ZC3H4: variants seen among roughly 807,000 people sequenced by gnomAD.
ZC3H4 encodes zinc finger CCCH-type containing 4.
ZC3H4 carries 13 observed loss-of-function variants against 108.3 expected under a neutral mutation model. The ratio of observed to expected loss-of-function variants is 0.12; its 90% CI spans 0.08 to 0.19. ZC3H4 has a LOEUF of 0.19. ZC3H4 is among the 10% of genes least tolerant of loss of function. The pLI is 1.00. For missense variants in ZC3H4, 1,734 were observed against 1,838.8 expected, an observed-to-expected ratio of 0.94 and a Z score of 1.04; for synonymous variants, 917 against 749.6, an observed-to-expected ratio of 1.22 and a Z score of -3.65.
intron 5 of ZC3H4, among the ~76,000 whole-genome samples, chr19:47,089,098 C>T (rs1018282348): frequency 6.7e-6 from 1 of 148,588 alleles, no homozygotes; most frequent in Non-Finnish European, 1.5e-5. Context: ...CCCAGCTACT[C>T]AGGAGGCTGA....
chr19:47,076,317 GCGCGCGCGCA>G (rs941020824), intron 11 of ZC3H4, among the ~76,000 whole-genome samples: 3 of 70,396 alleles, frequency 4.3e-5, no homozygotes, highest in Admixed American at 3.3e-4. Context: ...GCACGCGTGC[GCGCGCGCGCA>G]CACACACACA....
At chr19:47,075,521 T>C (rs534825287) in intron 11 of ZC3H4, among the ~76,000 whole-genome samples, 2 of 151,924 alleles carry the variant, frequency 1.3e-5, no homozygotes, top group African/African-American at 2.4e-5. Flanking sequence ...TCACAAAGCC[T>C]CTTGAATGTC....
Position 47,069,081 on chromosome 19 carries a change from C to T in ZC3H4, c.2398+11G>A, listed in dbSNP as rs116822320. ...GGGGCCTGTGCCCCGGCCCCTGGGGCGGACACGTGCCTTCCTCATTCTCCC... is the reference window on the plus strand; with the variant it reads ...GGGGCCTGTGCCCCGGCCCCTGGGGTGGACACGTGCCTTCCTCATTCTCCC... On this transcript the variant is annotated intron_variant, in intron 14 of 14. Transcript: ENST00000253048. 228 of 1,602,284 alleles carry T rather than the reference C, an allele frequency of 1.4e-4. No homozygotes were observed. The African/African-American group carries it at 2.0e-3, about 14-fold the overall frequency.
At chr19:47,086,582 C>T (rs765687668) in intron 5 of ZC3H4, 44 bp from the exon 6 acceptor site, 3 of 1,527,974 alleles carry the variant, frequency 2.0e-6, no homozygotes, top group Admixed American at 2.3e-5. Flanking sequence ...GGAGCAGATG[C>T]CACCAGCAAG....
In ZC3H4 at chr19:47,066,514, C is replaced by T. The variant is rs747385884; in HGVS notation, c.3754G>A (p.Val1252Met). The change falls in exon 15 of 15, where the codon GTG becomes ATG. Residue 1252 changes from valine to methionine, a missense_variant. Around this residue, in one of 9 missense-constraint regions of ZC3H4, gnomAD observed 518 missense variants for 499.6 expected, o/e 1.04. Transcript: ENST00000253048. ...PPQPGVHNLPVPTLFGTVKQT... is the reference protein window; with the variant it reads ...PPQPGVHNLPMPTLFGTVKQT... ...TTCACCGTCCCGAAGAGGGTGGGCA[C>T]GGGCAGGTTGTGCACCCCGGGCTGG... 1.1e-4 allele frequency: 170 copies of T among 1,551,600 alleles called. No homozygotes were observed. The highest frequency in any genetic ancestry group is 1.4e-4 in the Non-Finnish European group (166 of 1,146,424).
At chr19:47,079,611 G>A (rs146298240) in intron 11 of ZC3H4, among the ~76,000 whole-genome samples, 1 of 152,150 alleles carries the variant, frequency 6.6e-6, no homozygotes, top group African/African-American at 2.4e-5. Context: ...CATAACCCTG[G>A]GGCATGCCAG....
Position 47,102,831 on chromosome 19 carries a change from G to A in ZC3H4, c.162-8223C>T, listed in dbSNP as rs576026427. 3.3e-5 allele frequency among the ~76,000 whole-genome samples: 5 copies of A among 151,832 alleles called. No homozygotes were observed. The East Asian group carries it at 9.6e-4, about 29-fold the overall frequency. The stretch of plus-strand genomic sequence containing the variant: ...AGAGAAAGCAATACAAAAATCCCAG[G>A]GAGTGAAATTCCAAAGTCCCCTAAT... On this transcript the variant is annotated intron_variant, in intron 2 of 14. Transcript: ENST00000253048.
intron 2 of ZC3H4, among the ~76,000 whole-genome samples, chr19:47,101,512 A>C (rs1373173193): frequency 6.6e-6 from 1 of 152,116 alleles, no homozygotes; most frequent in African/African-American, 2.4e-5. Context: ...TAGAGGCATG[A>C]GCCATTGCAC....
At chr19:47,087,258 AGAGT>A (rs1049977959) in intron 5 of ZC3H4, among the ~76,000 whole-genome samples, 2 of 151,632 alleles carry the variant, frequency 1.3e-5, no homozygotes, top group Non-Finnish European at 2.9e-5. Flanking sequence ...CTTGGGCAAC[AGAGT>A]GAGACCCCGT....
chr19:47,102,037 AAAAAAG>A (rs2057910974), intron 2 of ZC3H4, among the ~76,000 whole-genome samples: 1 of 152,216 alleles, frequency 6.6e-6, no homozygotes, highest in Non-Finnish European at 1.5e-5. Context: ...TCGTCTCAAA[AAAAAAG>A]AAAAAGAAAA....
At position 47,085,122 on chromosome 19, in the gene ZC3H4, G is replaced by A. The variant is rs1397434144; in HGVS notation, c.1041C>T (p.Gly347=). The A allele has an allele frequency of 6.2e-7, 1 of 1,614,060 alleles. No homozygotes were observed. Among genetic ancestry groups the A allele is most frequent in the East Asian group, 2.2e-5 (1 of 44,900 alleles). The change falls in exon 8 of 15, where the codon GGC becomes GGT. Residue 347 remains glycine, a synonymous_variant. Transcript: ENST00000253048. ...KGMGRGRGRG[G]SRGGMNKGGM... ...CGCCCTTGTTCATCCCTCCTCGGCT[G>A]CCACCTCGGCCTCGGCCCCGACCCA...
At chr19:47,077,702 A>G (rs2057447641) in intron 11 of ZC3H4, among the ~76,000 whole-genome samples, 1 of 151,746 alleles carries the variant, frequency 6.6e-6, no homozygotes, top group African/African-American at 2.4e-5. Context: ...CTAAAAACAC[A>G]AAAAATGAGC....
At chr19:47,084,280 TG>T in intron 9 of ZC3H4, 64 bp downstream of exon 9, 1 of 1,492,218 alleles carries the variant, frequency 6.7e-7, no homozygotes, top group Non-Finnish European at 9.3e-7. Context: ...CAGAACCTTC[TG>T]GAAGCCATGT....
chr19:47,072,263 C>T lies in ZC3H4; in HGVS notation c.1802+89G>A. 6.9e-7 allele frequency: 1 copy of T among 1,456,330 alleles called. No homozygotes were observed. The highest frequency in any genetic ancestry group is 9.3e-7 in the Non-Finnish European group (1 of 1,072,974). 90.2% of individuals were successfully genotyped at this position (1,456,330 alleles called of 1,614,324 possible). On this transcript the variant is annotated intron_variant, in intron 12 of 14. Transcript: ENST00000253048. This position sits in a 1 kb window ranked among gnomAD's most constrained non-coding sequence, Gnocchi z 5.6. ...CACAGCTGGGGAGAGAGGCAGGACT[C>T]TCCCACAGCCAGGCTTGCCCTAACA...
chr19:47,110,022 TCA>T (rs1251250036), intron 2 of ZC3H4, among the ~76,000 whole-genome samples: 8 of 152,270 alleles, frequency 5.3e-5, no homozygotes, highest in African/African-American at 1.2e-4. Flanking sequence ...CATCAACTTT[TCA>T]CAGTCAGACA....
At chr19:47,095,145 G>A (rs906971896) in intron 2 of ZC3H4, among the ~76,000 whole-genome samples, 1 of 152,198 alleles carries the variant, frequency 6.6e-6, no homozygotes, top group African/African-American at 2.4e-5. Flanking sequence ...GGGCCCCAGT[G>A]AGCTGGGCGT....
intron 2 of ZC3H4, among the ~76,000 whole-genome samples, chr19:47,111,594 A>C (rs2058039703): frequency 6.6e-6 from 1 of 152,084 alleles, no homozygotes; most frequent in South Asian, 2.1e-4. Flanking sequence ...ACCTACGAAA[A>C]GCGAGAGGAC....
rs2057221848 is a variant in ZC3H4, at chr19:47,067,076, G to T, written c.3192C>A (p.Ser1064=). 1 of 1,609,316 alleles carries T rather than the reference G, an allele frequency of 6.2e-7. No homozygotes were observed. Among genetic ancestry groups the T allele is most frequent in the Non-Finnish European group, 8.5e-7 (1 of 1,178,068 alleles). ...NATGSSAAPG[S]SDKPSDPRVR... ...CCCGGGGGTCACTGGGTTTGTCGCT[G>T]GAACCGGGGGCGGCCGAGGAGCCGG... Residue 1064 remains serine, a synonymous_variant, in exon 15 of 15, where the codon TCC becomes TCA. Transcript: ENST00000253048. This position sits in a 1 kb window ranked among gnomAD's most constrained non-coding sequence, Gnocchi z 6.4.
Position 47,093,056 on chromosome 19 carries a change from A to C in ZC3H4, c.492+914T>G, listed in dbSNP as rs893317094. On this transcript the variant is annotated intron_variant, in intron 4 of 14. Coordinates refer to ENST00000253048, the MANE Select transcript of ZC3H4 (RefSeq NM_015168.2). ...ACGGTGAAATCCTGTCTCTACTAAA[A>C]ACACAAAAACTTGGCCGGGAGTGGT... 6.6e-5 allele frequency among the ~76,000 whole-genome samples: 10 copies of C among 151,744 alleles called. No individual in the cohort carries two copies. The South Asian group carries it at 1.5e-3, about 22-fold the overall frequency.
Sources: allele counts gnomAD v4.1 joint callset (sites outside exome capture counted in the v4.1 genomes callset), GRCh38; gene constraint gnomAD v4.1.1; regional missense constraint gnomAD v4.1.1; non-coding constraint Gnocchi (gnomAD v3.1); transcripts MANE v1.5; gene names NCBI Gene and HGNC (gene_info 2026-07-23, HGNC 2026-07-21).